CSMD1: variants seen among roughly 807,000 people sequenced by gnomAD.
CSMD1 encodes CUB and Sushi multiple domains 1.
A neutral mutation model predicts 417.5 loss-of-function variants in CSMD1; 213 were observed. The ratio of observed to expected loss-of-function variants is 0.51; its 90% confidence interval spans 0.46 to 0.57. The LOEUF is 0.57. Among genes scored for constraint, CSMD1 ranks in the 20% least tolerant of loss-of-function variants. The pLI is 0.00. For synonymous variants in CSMD1, 2,862 were observed against 1,736.8 expected (o/e 1.65, Z -16.11); for missense variants, 6,923 against 4,529.7 (o/e 1.53, Z -15.17).
intron 3 of CSMD1, among the ~76,000 whole-genome samples, chr8:4,114,144 G>A (rs62501349): frequency 0.095 from 14,445 of 152,224 alleles, 733 homozygotes; most frequent in African/African-American, 0.11. Flanking sequence ...GTAAGTCAAT[G>A]CTTGGCTTAA....
At chr8:4,608,384 G>C (rs1262839063) in intron 2 of CSMD1, among the ~76,000 whole-genome samples, 1 of 152,178 alleles carries the variant, frequency 6.6e-6, no homozygotes, top group African/African-American at 2.4e-5. Context: ...GAGTGGCAGA[G>C]GGCTCGACAA....
chr8:4,291,702 A>T (rs925865390), intron 3 of CSMD1, among the ~76,000 whole-genome samples: 1 of 152,182 alleles, frequency 6.6e-6, no homozygotes, highest in Non-Finnish European at 1.5e-5. Context: ...CGGGTGGTAA[A>T]ATTCATAAAC....
chr8:4,265,357 CACAGTATCATTTG>C (rs1804175505), intron 3 of CSMD1, among the ~76,000 whole-genome samples: 2 of 108,048 alleles, frequency 1.9e-5, no homozygotes, highest in South Asian at 3.4e-4. Flanking sequence ...TCTGTCTCTG[CACAGTATCATTTG>C]ACATGTTACA....
chr8:3,380,093 C>G (rs1420899727), intron 18 of CSMD1, among the ~76,000 whole-genome samples: 1 of 152,174 alleles, frequency 6.6e-6, no homozygotes, highest in Non-Finnish European at 1.5e-5. Flanking sequence ...TGAACAGACA[C>G]TTCTCTAAAG....
chr8:4,340,678 C>A (rs1408988817), intron 3 of CSMD1, among the ~76,000 whole-genome samples: 1 of 152,002 alleles, frequency 6.6e-6, no homozygotes, highest in Admixed American at 6.6e-5. Flanking sequence ...AGAGAGTAGG[C>A]TGGAGTTTAT....
At chr8:4,345,889 A>G (rs1800751136) in intron 3 of CSMD1, among the ~76,000 whole-genome samples, 1 of 152,148 alleles carries the variant, frequency 6.6e-6, no homozygotes, top group Non-Finnish European at 1.5e-5. Flanking sequence ...ACAGGTGATG[A>G]GTCTGTGTAT....
intron 41 of CSMD1, chr8:3,127,932 A>AAGGAAGGAAGGG (rs1229775542): frequency 3.1e-5 from 4 of 128,442 alleles, no homozygotes; most frequent in Admixed American, 1.6e-4. Context: ...GGAAGGAAGG[A>AAGGAAGGAAGGG]AGGGAAGGAA....
intron 1 of CSMD1, among the ~76,000 whole-genome samples, chr8:4,820,606 T>G (rs1799468982): frequency 6.6e-6 from 1 of 152,176 alleles, no homozygotes; most frequent in South Asian, 2.1e-4. Flanking sequence ...GATAGCTTTC[T>G]GAAATCACTG....
intron 5 of CSMD1, among the ~76,000 whole-genome samples, chr8:3,932,799 G>A (rs1477660927): frequency 6.7e-6 from 1 of 150,084 alleles, no homozygotes; most frequent in African/African-American, 2.5e-5. Context: ...CATTTCAATT[G>A]GAGATAAAAA....
At chr8:4,400,817 A>T (rs971123738) in intron 3 of CSMD1, among the ~76,000 whole-genome samples, 13 of 144,450 alleles carry the variant, frequency 9.0e-5, no homozygotes, top group Non-Finnish European at 1.8e-4. Context: ...CTTTTAAAGG[A>T]TTATTAGGGC....
At chr8:3,616,663 T>G (rs773500059) in intron 8 of CSMD1, 47 bp downstream of exon 8, 2 of 1,205,994 alleles carry the variant, frequency 1.7e-6, no homozygotes, top group Non-Finnish European at 2.4e-6. Flanking sequence ...AAATAATATA[T>G]GTCTTAAAAA....
chr8:3,286,801 G>T (rs78200478), intron 25 of CSMD1, among the ~76,000 whole-genome samples: 17,215 of 151,924 alleles, frequency 0.11, 1,012 homozygotes, highest in Middle Eastern at 0.16. Context: ...GTAGTTTCTT[G>T]TGCTGTGCAG....
At chr8:3,657,960 A>T (rs558498931) in intron 7 of CSMD1, among the ~76,000 whole-genome samples, 2 of 152,338 alleles carry the variant, frequency 1.3e-5, no homozygotes, top group South Asian at 4.1e-4. Context: ...ATTGTTGATT[A>T]ATGGTAAATA....
chr8:4,316,910 T>C (rs1389375799), intron 3 of CSMD1, among the ~76,000 whole-genome samples: 2 of 152,082 alleles, frequency 1.3e-5, no homozygotes, highest in Non-Finnish European at 2.9e-5. Flanking sequence ...TTCAAAGGAA[T>C]AGAAAAGCCA....
chr8:4,339,135 T>C (rs1013361821), intron 3 of CSMD1, among the ~76,000 whole-genome samples: 2 of 152,090 alleles, frequency 1.3e-5, no homozygotes, highest in African/African-American at 2.4e-5. Context: ...ATATTCCAAC[T>C]ACAAATGCTA....
At chr8:4,935,482 A>G (rs371752946) in intron 1 of CSMD1, among the ~76,000 whole-genome samples, 1 of 152,246 alleles carries the variant, frequency 6.6e-6, no homozygotes, top group South Asian at 2.1e-4. Flanking sequence ...TAAGTCTTTC[A>G]GTGTGAATCC....
Position 4,446,613 on chromosome 8 carries a change from G to T in CSMD1, c.303-26548C>A, listed in dbSNP as rs374396958. Among the ~76,000 whole-genome samples the T allele has an allele frequency of 1.6e-3, 243 of 152,268 alleles. 7 individuals are homozygous for T. In the South Asian group the frequency reaches 0.049, roughly 31 times the overall value. ...CTGTCACCCAGGCTGCAGTGCAGCAGCGCGATCTCAGCTCACTGCAAACTC... is the reference window on the plus strand; with the variant it reads ...CTGTCACCCAGGCTGCAGTGCAGCATCGCGATCTCAGCTCACTGCAAACTC... On this transcript the variant is annotated intron_variant, in intron 2 of 69. Transcript: ENST00000635120.
intron 26 of CSMD1, among the ~76,000 whole-genome samples, chr8:3,244,572 C>A (rs551804728): frequency 6.6e-6 from 1 of 152,190 alleles, no homozygotes; most frequent in Non-Finnish European, 1.5e-5. Context: ...CAGACATCAG[C>A]TCTTCAAAGG....
chr8:3,612,943 T>C (rs773462984), intron 8 of CSMD1, among the ~76,000 whole-genome samples: 1 of 152,008 alleles, frequency 6.6e-6, no homozygotes, highest in South Asian at 2.1e-4. Flanking sequence ...CAGAAATCAA[T>C]GAAATTGAAG....
Sources: allele counts gnomAD v4.1 joint callset (sites outside exome capture counted in the v4.1 genomes callset), GRCh38; gene constraint gnomAD v4.1.1; transcripts MANE v1.5; gene names NCBI Gene and HGNC (gene_info 2026-07-23, HGNC 2026-07-21).